TEAD3: variants seen among roughly 807,000 people sequenced by gnomAD.
TEAD3 encodes the protein transcriptional enhancer factor TEF-5.
Under a neutral mutation model 55.6 loss-of-function variants are expected in TEAD3, and 15 were observed. That is an observed-to-expected ratio of 0.27 (90% CI 0.18 to 0.42). TEAD3 has a LOEUF of 0.42. Among genes scored for constraint, TEAD3 ranks in the 10% least tolerant of loss-of-function variants. The pLI is 1.00. For synonymous variants in TEAD3, 210 were observed against 232.2 expected, an observed-to-expected ratio of 0.90 and a Z score of 0.87; for missense variants, 407 against 576.8, an observed-to-expected ratio of 0.71 and a Z score of 3.01.
chr6:35,475,300 C>T lies in TEAD3; in HGVS notation c.1194+36G>A, dbSNP rs543104460. 1.3e-5 allele frequency: 21 copies of T among 1,609,496 alleles called. No individual in the cohort carries two copies. In the South Asian group the frequency reaches 2.2e-4, roughly 17 times the overall value. On this transcript the variant is annotated intron_variant, in intron 12 of 12. Coordinates refer to ENST00000639578, the Ensembl canonical transcript of TEAD3. The surrounding 1 kb of genome is among the most constrained non-coding windows in gnomAD (Gnocchi z 5.4). The stretch of plus-strand genomic sequence containing the variant: ...GGCTACCCAACTTGGAGGCCCTGGC[C>T]TGTGGGACTCCCCACGACCCCTGCT...
Position 35,496,690 on chromosome 6 carries a change from G to C in TEAD3, c.-50+208C>G, listed in dbSNP as rs995894299. Among the ~76,000 whole-genome samples the C allele has an allele frequency of 2.0e-4, 30 of 152,236 alleles. No homozygotes were observed. The highest frequency in any genetic ancestry group is 5.3e-4 in the African/African-American group (22 of 41,548). On this transcript the variant is annotated intron_variant, in intron 1 of 12. Coordinates refer to ENST00000639578, the Ensembl canonical transcript of TEAD3. This position sits in a 1 kb window ranked among gnomAD's most constrained non-coding sequence, Gnocchi z 4.8. ...GACCAACTCGTCCCCGTCGCGGGGG[G>C]GTGGGGAGGGCGGGGGGCGGGGCTT...
chr6:35,481,124 T>G (rs1398588945), intron 3 of TEAD3, among the ~76,000 whole-genome samples: 5 of 151,954 alleles, frequency 3.3e-5, no homozygotes, highest in African/African-American at 1.2e-4. Context: ...TGTGTATATA[T>G]GTACTCAGTG....
Position 35,486,562 on chromosome 6 carries a change from A to C in TEAD3, c.101T>G (p.Val34Gly). Reference sequence around the variant, plus strand: ...GCTCTGCTCGATGTCCGGGCTCCACACGCCCTCCGCATCGTTGTCCAGCCC... The same window carrying C: ...GCTCTGCTCGATGTCCGGGCTCCACCCGCCCTCCGCATCGTTGTCCAGCCC... Residue 34 changes from valine (V) to glycine (G), a missense_variant, in exon 2 of 13, where the codon GTG becomes GGG. Transcript: ENST00000639578. This position sits in a 1 kb window ranked among gnomAD's most constrained non-coding sequence, Gnocchi z 7.3. 6.2e-7 allele frequency: 1 copy of C among 1,613,524 alleles called. No homozygotes were observed.
At chr6:35,476,173 A>G (rs1008601933) in intron 9 of TEAD3, 81 bp from the exon 10 acceptor site, 2 of 1,540,336 alleles carry the variant, frequency 1.3e-6, no homozygotes, top group African/African-American at 2.7e-5. Context: ...CTGCACAGGT[A>G]TAGAATTGCC....
Position 35,486,312 on chromosome 6 carries a change from G to C in TEAD3, c.202+149C>G. On this transcript the variant is annotated intron_variant, in intron 2 of 12. Coordinates refer to ENST00000639578, the Ensembl canonical transcript of TEAD3. This position sits in a 1 kb window ranked among gnomAD's most constrained non-coding sequence, Gnocchi z 7.3. ...GAGCCCGGCTTGTTTATGAGGAGGA[G>C]CGCGGAGGAGGATCCAGACACACAG... The C allele has an allele frequency of 1.1e-6, 1 of 949,298 alleles. No homozygotes were observed. The highest frequency in any genetic ancestry group is 1.7e-5 in the South Asian group (1 of 58,222). The allele number at this position is 949,298 out of a possible 1,614,324, so 58.8% of individuals were successfully genotyped here.
rs375789413 is a variant in TEAD3, at chr6:35,484,542, C to G, written c.267+18G>C. On this transcript the variant is annotated intron_variant, in intron 3 of 12. Coordinates refer to ENST00000639578, the Ensembl canonical transcript of TEAD3. This position sits in a 1 kb window ranked among gnomAD's most constrained non-coding sequence, Gnocchi z 5.8. ...CAGAGTGTGTGGGTGGCAGGCCCAG[C>G]ATAAACCGTCTCTCTACCTGTTTTC... is the stretch of plus-strand genomic sequence containing the variant. The G allele has an allele frequency of 1.3e-6, 2 of 1,593,656 alleles. No homozygotes were observed. Among genetic ancestry groups the G allele is most frequent in the African/African-American group, 2.7e-5 (2 of 74,494 alleles).
In TEAD3 at chr6:35,491,145, CCCAG is replaced by C. The variant is rs1441135233; in HGVS notation, c.-49-4438_-49-4435del. On this transcript the variant is annotated intron_variant, in intron 1 of 12. Coordinates refer to ENST00000639578, the Ensembl canonical transcript of TEAD3. This position sits in a 1 kb window ranked among gnomAD's most constrained non-coding sequence, Gnocchi z 4.4. Reference sequence around the variant, plus strand: ...AGTGAGTGACAGACAGAAAGCCCAACCCAGTGGGGGACAGACCAGAGCCCCGCAG... The same window carrying C: ...AGTGAGTGACAGACAGAAAGCCCAACTGGGGGACAGACCAGAGCCCCGCAG... 6.6e-6 allele frequency among the ~76,000 whole-genome samples: 1 copy of C among 151,914 alleles called. No individual in the cohort carries two copies. Among genetic ancestry groups the C allele is most frequent in the Non-Finnish European group, 1.5e-5 (1 of 67,990 alleles).
chr6:35,489,366 C>T (rs1173182989), intron 1 of TEAD3, among the ~76,000 whole-genome samples: 2 of 152,142 alleles, frequency 1.3e-5, no homozygotes, highest in Non-Finnish European at 2.9e-5. Flanking sequence ...AAGCTGGCTT[C>T]GGTTTTATAA....
chr6:35,486,700 G>A lies in TEAD3; in HGVS notation c.-38C>T. The A allele has an allele frequency of 1.9e-6, 3 of 1,599,190 alleles. No individual in the cohort carries two copies. The highest frequency in any genetic ancestry group is 2.6e-6 in the Non-Finnish European group (3 of 1,172,286). On this transcript the variant is annotated 5_prime_UTR_variant, in exon 2 of 13. Transcript: ENST00000639578. This position sits in a 1 kb window ranked among gnomAD's most constrained non-coding sequence, Gnocchi z 7.3. ...TCTGGGCTCTGGGCCTGAGCCCACT[G>A]GGCGGCTGAGCCTGGGGGACAGACA... is the stretch of plus-strand genomic sequence containing the variant.
At chr6:35,478,491 C>T (rs1197332905) in exon 6 of TEAD3, 2 of 1,612,056 alleles carry the variant, frequency 1.2e-6, no homozygotes, top group East Asian at 2.2e-5. Flanking sequence ...TGAACTTGTT[C>T]TGCAGGACAC....
At chr6:35,480,072 C>A (rs568635546) in exon 4 of TEAD3, 1 of 1,527,862 alleles carries the variant, frequency 6.5e-7, no homozygotes, top group East Asian at 2.5e-5. Context: ...TCAGCTTAGA[C>A]TGAATCTCCC....
chr6:35,481,381 C>A (rs114126270), intron 3 of TEAD3, among the ~76,000 whole-genome samples: 1 of 152,204 alleles, frequency 6.6e-6, no homozygotes, highest in East Asian at 1.9e-4. Flanking sequence ...GCTTTCTTTG[C>A]GAGTTGTTTT....
At chr6:35,490,623 C>T (rs952781210) in intron 1 of TEAD3, among the ~76,000 whole-genome samples, 1 of 152,180 alleles carries the variant, frequency 6.6e-6, no homozygotes. Context: ...CAGCTGCCCC[C>T]GTCTGGGGGC....
rs1235610331 is a variant in TEAD3 at position 35,488,141 on chromosome 6, A to C, written c.-49-1430T>G. On this transcript the variant is annotated intron_variant, in intron 1 of 12. Coordinates refer to ENST00000639578, the Ensembl canonical transcript of TEAD3. This position sits in a 1 kb window ranked among gnomAD's most constrained non-coding sequence, Gnocchi z 4.2. Reference sequence around the variant, plus strand: ...ACTGCCCCAGGAATTACAAAAAGGGAACTGGTGAGGGAGCAGCAGAGAAGG... The same window carrying C: ...ACTGCCCCAGGAATTACAAAAAGGGCACTGGTGAGGGAGCAGCAGAGAAGG... Among the ~76,000 whole-genome samples the C allele has an allele frequency of 6.6e-6, 1 of 152,186 alleles. No individual in the cohort carries two copies. The highest frequency in any genetic ancestry group is 2.4e-5 in the African/African-American group (1 of 41,438).
rs957464350 is a variant in TEAD3 at position 35,491,961 on chromosome 6, G to A, written c.-50+4937C>T. Among the ~76,000 whole-genome samples the A allele has an allele frequency of 4.6e-5, 7 of 152,178 alleles. No homozygotes were observed. Among genetic ancestry groups the A allele is most frequent in the South Asian group, 2.1e-4 (1 of 4,828 alleles). On this transcript the variant is annotated intron_variant, in intron 1 of 12. Coordinates refer to ENST00000639578, the Ensembl canonical transcript of TEAD3. This position sits in a 1 kb window ranked among gnomAD's most constrained non-coding sequence, Gnocchi z 4.4. ...TGCAGCCTCCAGACCACCCAGCCCT[G>A]TAGCTCCCTTTAGGGGCCCCAGAGC... is the stretch of plus-strand genomic sequence containing the variant.
At chr6:35,479,166 C>G in intron 5 of TEAD3, 139 bp downstream of exon 5, 1 of 1,111,860 alleles carries the variant, frequency 9.0e-7, no homozygotes, top group Non-Finnish European at 1.3e-6. Context: ...GCGTGAGCCA[C>G]CACGCCCAGC....
rs1037364638 is a variant in TEAD3 at position 35,485,438 on chromosome 6, G to T, written c.203-814C>A. Among the ~76,000 whole-genome samples the T allele has an allele frequency of 4.6e-5, 7 of 152,198 alleles. No homozygotes were observed. Among genetic ancestry groups the T allele is most frequent in the Admixed American group, 3.9e-4 (6 of 15,286 alleles). ...GGGCCACACGGCTGAGCCCAAGTCA[G>T]CATGGTCAAGGTGTACACCTCTACC... On this transcript the variant is annotated intron_variant, in intron 2 of 12. Coordinates refer to ENST00000639578, the Ensembl canonical transcript of TEAD3. This position sits in a 1 kb window ranked among gnomAD's most constrained non-coding sequence, Gnocchi z 4.3.
chr6:35,478,017 A>AT (rs57932235), intron 7 of TEAD3, among the ~76,000 whole-genome samples: 18,903 of 137,844 alleles, frequency 0.14, 2,265 homozygotes, highest in African/African-American at 0.32. Flanking sequence ...CACCCAGCTA[A>AT]TTTTTTTTTT....
chr6:35,474,853 T>G, downstream of TEAD3: 1 of 575,910 alleles, frequency 1.7e-6, no homozygotes, highest in South Asian at 2.1e-5. Context: ...CTCTCCTCTC[T>G]TCTCCCACAA....
Sources: gnomAD v4.1 joint callset for allele counts (sites outside exome capture counted in the v4.1 genomes callset) on GRCh38, gnomAD v4.1.1 for gene constraint, Gnocchi (gnomAD v3.1) non-coding constraint, MANE v1.5 for transcripts, NCBI Gene and HGNC (gene_info 2026-07-23, HGNC 2026-07-21) for gene names.